The following ERC1 variants were observed in gnomAD, a reference collection of about 807,000 sequenced individuals.
ERC1 encodes ELKS/RAB6-interacting/CAST family member 1, also known as RAB6 interacting protein 2.
A neutral mutation model predicts 132.0 loss-of-function variants in ERC1; 56 were observed. That is an observed-to-expected ratio of 0.42 (90% CI 0.34 to 0.53). The LOEUF (loss-of-function observed/expected upper bound fraction) is 0.53. Ranked by LOEUF, ERC1 falls within the 20% of genes least tolerant of loss-of-function variation. The pLI is 0.03. For synonymous variants in ERC1, 478 were observed against 476.1 expected (o/e 1.00, Z -0.05); for missense variants, 1,202 against 1,349.9 (o/e 0.89, Z 1.72).
intron 18 of ERC1, among the ~76,000 whole-genome samples, chr12:1,473,612 A>G (rs1418531191): frequency 7.1e-6 from 1 of 139,870 alleles, no homozygotes; most frequent in African/African-American, 2.7e-5. Flanking sequence ...CCTGGGGGAC[A>G]GAGTGAGACT....
At chr12:1,179,512 T>C (rs1021957609) in intron 8 of ERC1, among the ~76,000 whole-genome samples, 4 of 140,032 alleles carry the variant, frequency 2.9e-5, no homozygotes, top group Non-Finnish European at 4.7e-5. Context: ...TTTTTTTTTT[T>C]TTTTTTTTTT....
At chr12:1,361,319 T>A (rs1459914238) in intron 15 of ERC1, among the ~76,000 whole-genome samples, 2 of 148,104 alleles carry the variant, frequency 1.4e-5, no homozygotes, top group East Asian at 4.2e-4. Flanking sequence ...AATGATGAGT[T>A]AATGGGTGCA....
intron 17 of ERC1, among the ~76,000 whole-genome samples, chr12:1,419,233 C>T (rs1295306874): frequency 6.6e-6 from 1 of 151,996 alleles, no homozygotes. Flanking sequence ...TAGAAAAGGA[C>T]CCCATGGTAG....
intron 2 of ERC1, among the ~76,000 whole-genome samples, chr12:1,056,649 T>A (rs953527981): frequency 2.0e-5 from 3 of 152,136 alleles, no homozygotes; most frequent in African/African-American, 7.2e-5. Context: ...GCAGATGGCT[T>A]CTCTGTCTGC....
chr12:1,324,176 G>A (rs528592748), intron 15 of ERC1, among the ~76,000 whole-genome samples: 4 of 152,262 alleles, frequency 2.6e-5, no homozygotes, highest in South Asian at 2.1e-4. Flanking sequence ...GGTTTAAAAC[G>A]TATCCGTCTA....
intron 18 of ERC1, among the ~76,000 whole-genome samples, chr12:1,487,578 G>C (rs1255574269): frequency 6.7e-6 from 1 of 149,052 alleles, no homozygotes; most frequent in African/African-American, 2.5e-5. Context: ...AAATTAGCCA[G>C]GCATGGTGGT....
In ERC1 at chr12:1,104,746, A is replaced by G. The variant is rs763686928; in HGVS notation, c.1087-4A>G. ...CTGAATCTCTTTCTGCCTCTTTTCTACAGGAGATGCATCGAAGGTTTGAGA... is the reference window on the plus strand; with the variant it reads ...CTGAATCTCTTTCTGCCTCTTTTCTGCAGGAGATGCATCGAAGGTTTGAGA... On this transcript the variant is annotated splice_polypyrimidine_tract_variant and splice_region_variant and intron_variant, in intron 3 of 18. Transcript: ENST00000360905. The G allele has an allele frequency of 2.0e-5, 32 of 1,608,348 alleles. No individual in the cohort carries two copies. The Admixed American group carries it at 4.2e-4, about 21-fold the overall frequency.
At chr12:1,004,806 C>CTG (rs60674277) in intron 1 of ERC1, among the ~76,000 whole-genome samples, 46 of 146,954 alleles carry the variant, frequency 3.1e-4, no homozygotes, top group African/African-American at 9.8e-4. Flanking sequence ...CTGCCTTTTT[C>CTG]TGTGTGTGTG....
intron 17 of ERC1, among the ~76,000 whole-genome samples, chr12:1,421,611 C>G (rs1390540415): frequency 6.6e-6 from 1 of 152,046 alleles, no homozygotes; most frequent in African/African-American, 2.4e-5. Context: ...ATCTTAAAGA[C>G]CAATCTTAGG....
At chr12:1,359,952 T>A (rs922180984) in intron 15 of ERC1, among the ~76,000 whole-genome samples, 4 of 152,198 alleles carry the variant, frequency 2.6e-5, no homozygotes, top group African/African-American at 9.6e-5. Context: ...GCAGGCTTTT[T>A]TTTTTAAAGA....
chr12:1,256,042 C>T (rs1338207924), intron 13 of ERC1, among the ~76,000 whole-genome samples: 1 of 151,956 alleles, frequency 6.6e-6, no homozygotes, highest in East Asian at 1.9e-4. Flanking sequence ...ATAAATGTCT[C>T]CTTTTGAGAA....
intron 15 of ERC1, among the ~76,000 whole-genome samples, chr12:1,324,496 C>G (rs984294394): frequency 6.6e-6 from 1 of 152,162 alleles, no homozygotes; most frequent in African/African-American, 2.4e-5. Context: ...TTTTATTTCT[C>G]TCAACGTAAC....
chr12:1,184,281 CT>C (rs975777036), intron 11 of ERC1, among the ~76,000 whole-genome samples: 15 of 150,040 alleles, frequency 1.0e-4, no homozygotes, highest in African/African-American at 2.9e-4. Flanking sequence ...AATTTCCTAG[CT>C]TTTTTTTTAA....
chr12:1,084,717 G>T (rs1041624666), intron 3 of ERC1, among the ~76,000 whole-genome samples: 1 of 151,184 alleles, frequency 6.6e-6, no homozygotes, highest in Non-Finnish European at 1.5e-5. Flanking sequence ...TTAGAGATAG[G>T]GTCTCACTCT....
chr12:1,417,505 C>T lies in ERC1; in HGVS notation c.3024+9258C>T, dbSNP rs1017728723. On this transcript the variant is annotated intron_variant, in intron 17 of 18. Transcript: ENST00000360905. ...ATCAAAAAAGATTTTGGAGGCCGAGCGCGGTGGCTCATACCTGTAATCCCA... is the reference window on the plus strand; with the variant it reads ...ATCAAAAAAGATTTTGGAGGCCGAGTGCGGTGGCTCATACCTGTAATCCCA... 9.2e-5 allele frequency among the ~76,000 whole-genome samples: 14 copies of T among 151,680 alleles called. No individual in the cohort carries two copies. The East Asian group carries it at 1.5e-3, about 17-fold the overall frequency.
rs375582173 is a variant in ERC1 at position 1,057,966 on chromosome 12, A to G, written c.670-25198A>G. 3.3e-5 allele frequency among the ~76,000 whole-genome samples: 5 copies of G among 152,118 alleles called. No individual in the cohort carries two copies. In the East Asian group the frequency reaches 5.8e-4, roughly 18 times the overall value. ...TTATTTAGATCCTTAGATCTAGACT[A>G]TTTAGATCCTTTGCCCATTTTAAAA... On this transcript the variant is annotated intron_variant, in intron 2 of 18. Coordinates refer to ENST00000360905, the MANE Select transcript of ERC1 (RefSeq NM_178040.4).
intron 15 of ERC1, among the ~76,000 whole-genome samples, chr12:1,303,747 G>T (rs1217746295): frequency 6.6e-6 from 1 of 152,022 alleles, no homozygotes; most frequent in African/African-American, 2.4e-5. Context: ...CTGAGGTCGG[G>T]AGTTTGAGAC....
rs372969063 is a variant in ERC1, at chr12:1,295,468, A to G, written c.2780+5456A>G. 7.2e-5 allele frequency among the ~76,000 whole-genome samples: 11 copies of G among 151,744 alleles called. No individual in the cohort carries two copies. In the South Asian group the frequency reaches 1.0e-3, roughly 14 times the overall value. ...TGAATGAGACTGCCCAAGGCTTACCAGAGATTAGATGCTACAGAATGAGAG... is the reference window on the plus strand; with the variant it reads ...TGAATGAGACTGCCCAAGGCTTACCGGAGATTAGATGCTACAGAATGAGAG... On this transcript the variant is annotated intron_variant, in intron 15 of 18. Transcript: ENST00000360905.
intron 7 of ERC1, among the ~76,000 whole-genome samples, chr12:1,121,723 A>G (rs1303460736): frequency 0.015 from 90 of 5,860 alleles, 6 homozygotes; most frequent in African/African-American, 0.023. Context: ...CTCTATCTCT[A>G]TCTCTATCTC....
Sources: gnomAD v4.1 joint callset for allele counts (sites outside exome capture counted in the v4.1 genomes callset) on GRCh38, gnomAD v4.1.1 for gene constraint, MANE v1.5 for transcripts, NCBI Gene and HGNC (gene_info 2026-07-23, HGNC 2026-07-21) for gene names.